The following IFT88 variants were observed in gnomAD, a reference collection of about 807,000 sequenced individuals.
IFT88 encodes intraflagellar transport protein 88 homolog.
A neutral mutation model predicts 119.5 loss-of-function variants in IFT88; 74 were observed. That is an observed-to-expected ratio of 0.62 (90% CI 0.51 to 0.75). The LOEUF is 0.75. IFT88 is among the 30% of genes least tolerant of loss of function. IFT88 has a pLI of 0.00. For synonymous variants in IFT88, 279 were observed against 316.7 expected (o/e 0.88, Z 1.26); for missense variants, 961 against 977.7 (o/e 0.98, Z 0.23).
intron 14 of IFT88, among the ~76,000 whole-genome samples, chr13:20,620,923 G>A (rs1322744608): frequency 4.6e-5 from 7 of 152,216 alleles, no homozygotes; most frequent in Non-Finnish European, 8.8e-5. Flanking sequence ...ACAGCAAAAA[G>A]ACAGCATTCT....
chr13:20,641,424 C>A, intron 18 of IFT88, 26 bp downstream of exon 18: 1 of 1,384,308 alleles, frequency 7.2e-7, no homozygotes, highest in Non-Finnish European at 1.0e-6. Flanking sequence ...ACCTTAGGGA[C>A]AGTTATTAAT....
At chr13:20,629,027 T>C (rs1210356053) in intron 15 of IFT88, among the ~76,000 whole-genome samples, 3 of 152,216 alleles carry the variant, frequency 2.0e-5, no homozygotes, top group Admixed American at 1.3e-4. Context: ...TTGTTATTGC[T>C]TGTTAGCATT....
chr13:20,656,519 A>G (rs954749477), intron 22 of IFT88, 89 bp downstream of exon 22: 2 of 484,056 alleles, frequency 4.1e-6, no homozygotes, highest in African/African-American at 2.0e-5. Context: ...CAGTAATTGT[A>G]TACGTAAATA....
Position 20,625,813 on chromosome 13 carries a change from A to G in IFT88, c.1263A>G (p.Lys421=). ...VELANDLEIN[K]AVTYLRQKDY... is the part of the protein sequence containing the mutation. The stretch of plus-strand genomic sequence containing the variant: ...TAGCCAATGATCTGGAAATAAACAA[A>G]GCAGTTACATACTTGAGACAAAAAG... The change falls in exon 15 of 26, where the codon AAA becomes AAG. Residue 421 remains lysine, a synonymous_variant. Transcript: ENST00000351808. 6.2e-7 allele frequency: 1 copy of G among 1,604,200 alleles called. No individual in the cohort carries two copies.
In IFT88 at chr13:20,568,104, C is replaced by T. The variant is rs545341444; in HGVS notation, c.-7+848C>T. On this transcript the variant is annotated intron_variant, in intron 1 of 25. Transcript: ENST00000351808. ...ATTCAAAGCCGTCCTGTGCCACGTG[C>T]GGGCCGGGGTTGGAAAAGCTTGAAG... The T allele has an allele frequency of 1.8e-5, 12 of 672,240 alleles. No homozygotes were observed. The East Asian group carries it at 3.0e-4, about 17-fold the overall frequency. The allele number at this position is 672,240 out of a possible 1,614,324, so 41.6% of individuals were successfully genotyped here.
chr13:20,594,559 A>T (rs890038949), intron 7 of IFT88, among the ~76,000 whole-genome samples: 6 of 152,268 alleles, frequency 3.9e-5, no homozygotes, highest in South Asian at 2.1e-4. Flanking sequence ...TTTGATAGGG[A>T]CAGGGTAAGT....
At chr13:20,662,055 T>G (rs754795912) in intron 22 of IFT88, among the ~76,000 whole-genome samples, 1 of 152,188 alleles carries the variant, frequency 6.6e-6, no homozygotes, top group South Asian at 2.1e-4. Flanking sequence ...GTGGATGATG[T>G]CGGGAGATGT....
At chr13:20,670,646 A>G (rs1253006205) in intron 23 of IFT88, among the ~76,000 whole-genome samples, 1 of 150,688 alleles carries the variant, frequency 6.6e-6, no homozygotes, top group Non-Finnish European at 1.5e-5. Context: ...TCCCTCCCTT[A>G]AACTAAAGAT....
chr13:20,607,944 A>G lies in IFT88; in HGVS notation c.1112+2839A>G, dbSNP rs1300850775. The G allele has an allele frequency of 2.0e-5, 13 of 640,374 alleles. No individual in the cohort carries two copies. In the Admixed American group the frequency reaches 2.4e-4, roughly 12 times the overall value. 39.7% of individuals were successfully genotyped at this position (640,374 alleles called of 1,614,324 possible). On this transcript the variant is annotated intron_variant, in intron 13 of 25. Coordinates refer to ENST00000351808, the MANE Select transcript of IFT88 (RefSeq NM_006531.5). The stretch of plus-strand genomic sequence containing the variant: ...TCCTCTACAAGACCAAGTAAGATGC[A>G]AACCAGCAAGTCAGGAAGCACCTCC...
intron 23 of IFT88, among the ~76,000 whole-genome samples, chr13:20,665,327 C>T (rs966633916): frequency 6.6e-6 from 1 of 152,082 alleles, no homozygotes; most frequent in Non-Finnish European, 1.5e-5. Context: ...ACCCAAATTT[C>T]CAGTTATTAC....
At chr13:20,636,090 T>C (rs547884166) in intron 16 of IFT88, among the ~76,000 whole-genome samples, 1 of 152,296 alleles carries the variant, frequency 6.6e-6, no homozygotes, top group South Asian at 2.1e-4. Flanking sequence ...TAAATCTTGT[T>C]GGGCTTTCCC....
chr13:20,687,041 A>C (rs927184251), intron 24 of IFT88, among the ~76,000 whole-genome samples: 12 of 151,050 alleles, frequency 7.9e-5, no homozygotes, highest in South Asian at 2.1e-4. Flanking sequence ...AAAAAAAAAA[A>C]AAAAAAAACC....
chr13:20,594,742 A>G (rs1386056763), intron 7 of IFT88, among the ~76,000 whole-genome samples: 1 of 152,210 alleles, frequency 6.6e-6, no homozygotes, highest in Non-Finnish European at 1.5e-5. Context: ...TAAAACTACC[A>G]TCTATTATGC....
chr13:20,686,165 C>T (rs771655687), intron 24 of IFT88, among the ~76,000 whole-genome samples: 1 of 152,202 alleles, frequency 6.6e-6, no homozygotes, highest in Non-Finnish European at 1.5e-5. Context: ...GCTCCATAGA[C>T]TTGGATCACT....
chr13:20,615,840 C>T lies in IFT88; in HGVS notation c.1160C>T (p.Ala387Val). ...ATTATGACATCTGCAAAACTCATTGCTCCTGTAATTGAAACATCTTTTGCT... is the reference window on the plus strand; with the variant it reads ...ATTATGACATCTGCAAAACTCATTGTTCCTGTAATTGAAACATCTTTTGCT... ...KYIMTSAKLIAPVIETSFAAG... is the reference protein window; with the variant it reads ...KYIMTSAKLIVPVIETSFAAG... The change falls in exon 14 of 26, where the codon GCT (alanine) becomes GTT (valine). Residue 387 changes from alanine (A) to valine (V), a missense_variant. Coordinates refer to ENST00000351808, the MANE Select transcript of IFT88 (RefSeq NM_006531.5). 1 of 1,608,630 alleles carries T rather than the reference C, an allele frequency of 6.2e-7. No homozygotes were observed. The highest frequency in any genetic ancestry group is 8.5e-7 in the Non-Finnish European group (1 of 1,177,492).
intron 14 of IFT88, among the ~76,000 whole-genome samples, chr13:20,619,819 G>A (rs1180688768): frequency 1.3e-5 from 2 of 151,814 alleles, no homozygotes; most frequent in African/African-American, 4.8e-5. Context: ...CAAAGTTCCT[G>A]TACTTGTTTA....
chr13:20,602,651 G>T (rs937971395), intron 12 of IFT88, among the ~76,000 whole-genome samples: 2 of 152,354 alleles, frequency 1.3e-5, no homozygotes, highest in Admixed American at 1.3e-4. Context: ...TTGGGAGGCT[G>T]AGGTGGGCAG....
intron 13 of IFT88, among the ~76,000 whole-genome samples, chr13:20,608,609 G>T (rs1237788336): frequency 6.6e-6 from 1 of 152,140 alleles, no homozygotes; most frequent in Non-Finnish European, 1.5e-5. Flanking sequence ...GAGAACGTCA[G>T]ACTGGCCATT....
At chr13:20,630,891 C>G in intron 15 of IFT88, 125 bp from the exon 16 acceptor site, 1 of 541,776 alleles carries the variant, frequency 1.8e-6, no homozygotes, top group Non-Finnish European at 3.4e-6. Context: ...TCTTGAACAT[C>G]TTAATCCACC....
Sources: allele counts gnomAD v4.1 joint callset (sites outside exome capture counted in the v4.1 genomes callset), GRCh38; gene constraint gnomAD v4.1.1; transcripts MANE v1.5; gene names NCBI Gene and HGNC (gene_info 2026-07-23, HGNC 2026-07-21).